The following TRAF3 variants were observed in gnomAD, a reference collection of about 807,000 sequenced individuals.
TRAF3 encodes the protein TNF receptor-associated factor 3.
Under a neutral mutation model 62.3 loss-of-function variants are expected in TRAF3, and 13 were observed. That is an observed-to-expected ratio of 0.21 (90% CI 0.14 to 0.33). TRAF3 has a LOEUF of 0.33. TRAF3 is among the 10% of genes least tolerant of loss of function. TRAF3 has a pLI of 1.00. For synonymous variants in TRAF3, 269 were observed against 283.4 expected, an observed-to-expected ratio of 0.95 and a Z score of 0.51; for missense variants, 440 against 741.8, an observed-to-expected ratio of 0.59 and a Z score of 4.73.
chr14:102,867,413 T>C (rs1359300669), intron 2 of TRAF3, among the ~76,000 whole-genome samples: 1 of 152,194 alleles, frequency 6.6e-6, no homozygotes, highest in Non-Finnish European at 1.5e-5. Context: ...TTCTCTGATC[T>C]AGGGGACGCA....
chr14:102,900,103 C>G (rs367915142), intron 10 of TRAF3, among the ~76,000 whole-genome samples: 8 of 141,532 alleles, frequency 5.7e-5, no homozygotes, highest in Admixed American at 2.2e-4. Flanking sequence ...GGTGTGAACC[C>G]GGGAGGCGGA....
In TRAF3 at chr14:102,852,932, C is replaced by T. The variant is rs185559590; in HGVS notation, c.-17-17253C>T. 8.5e-4 allele frequency among the ~76,000 whole-genome samples: 129 copies of T among 152,032 alleles called. 2 individuals are homozygous for T. In the East Asian group the frequency reaches 0.023, roughly 28 times the overall value. ...TTTTTGAGACAGAGTCTCACTCTGT[C>T]GCCCAGGCTGGAGTGCAGCGGCACA... On this transcript the variant is annotated intron_variant, in intron 2 of 11. Transcript: ENST00000392745.
chr14:102,788,692 G>A (rs1897626121), intron 1 of TRAF3, among the ~76,000 whole-genome samples: 1 of 152,210 alleles, frequency 6.6e-6, no homozygotes, highest in Admixed American at 6.5e-5. Flanking sequence ...CAGCTACTCA[G>A]GAGGCTGAGG....
chr14:102,806,528 T>A (rs115443331), intron 1 of TRAF3, among the ~76,000 whole-genome samples: 52 of 152,334 alleles, frequency 3.4e-4, no homozygotes, highest in African/African-American at 1.2e-3. Context: ...ATGTCTTTAG[T>A]CCAAGCTGCC....
intron 1 of TRAF3, among the ~76,000 whole-genome samples, chr14:102,793,736 G>A (rs1489485741): frequency 1.3e-5 from 2 of 152,202 alleles, no homozygotes; most frequent in Non-Finnish European, 2.9e-5. Flanking sequence ...CTCTATTCCT[G>A]ATGCCAGGAC....
At chr14:102,880,033 T>C (rs1417315056) in intron 6 of TRAF3, among the ~76,000 whole-genome samples, 1 of 152,210 alleles carries the variant, frequency 6.6e-6, no homozygotes, top group Non-Finnish European at 1.5e-5. Context: ...GGAAGATTAC[T>C]TGAGCCAGGG....
intron 6 of TRAF3, among the ~76,000 whole-genome samples, chr14:102,885,637 A>G (rs1889336606): frequency 6.6e-6 from 1 of 152,226 alleles, no homozygotes; most frequent in Admixed American, 6.5e-5. Flanking sequence ...TATGGACTAA[A>G]GATAATGTAG....
At chr14:102,853,582 C>T (rs1387128686) in intron 2 of TRAF3, among the ~76,000 whole-genome samples, 1 of 152,094 alleles carries the variant, frequency 6.6e-6, no homozygotes, top group Non-Finnish European at 1.5e-5. Context: ...TGCCTGTAAT[C>T]CCAGCACTTT....
intron 2 of TRAF3, among the ~76,000 whole-genome samples, chr14:102,869,180 C>T (rs1258335520): frequency 6.6e-6 from 1 of 152,242 alleles, no homozygotes; most frequent in African/African-American, 2.4e-5. Context: ...GGGCCCACTC[C>T]ACAGCTCTGT....
At chr14:102,833,229 G>A (rs978914804) in intron 2 of TRAF3, among the ~76,000 whole-genome samples, 6 of 152,228 alleles carry the variant, frequency 3.9e-5, no homozygotes, top group Admixed American at 3.9e-4. Flanking sequence ...CATGTTGGGT[G>A]AATGAATGAA....
chr14:102,867,079 T>G (rs769166204), intron 2 of TRAF3, among the ~76,000 whole-genome samples: 3 of 152,184 alleles, frequency 2.0e-5, no homozygotes, highest in Non-Finnish European at 4.4e-5. Context: ...TCATAGAAAT[T>G]CTTGTGCTGC....
chr14:102,787,595 G>A (rs1446496762), intron 1 of TRAF3, among the ~76,000 whole-genome samples: 1 of 152,114 alleles, frequency 6.6e-6, no homozygotes, highest in Non-Finnish European at 1.5e-5. Flanking sequence ...GCTGAGGCAG[G>A]AGAATCGCTT....
At chr14:102,865,638 T>G (rs1887943341) in intron 2 of TRAF3, among the ~76,000 whole-genome samples, 1 of 152,116 alleles carries the variant, frequency 6.6e-6, no homozygotes, top group South Asian at 2.1e-4. Flanking sequence ...TAGCTGGGAC[T>G]ACAGGCATGT....
rs550840033 is a variant in TRAF3 at position 102,778,426 on chromosome 14, G to A, written c.-157+751G>A. ...TGTGGAAAATTCTCTCCCTTCGGTTGGAAACAGTAACAAACTGGAAACGGA... is the reference window on the plus strand; with the variant it reads ...TGTGGAAAATTCTCTCCCTTCGGTTAGAAACAGTAACAAACTGGAAACGGA... On this transcript the variant is annotated intron_variant, in intron 1 of 11. Transcript: ENST00000392745. Among the ~76,000 whole-genome samples the A allele has an allele frequency of 1.4e-4, 22 of 152,316 alleles. No homozygotes were observed. The South Asian group carries it at 4.6e-3, about 32-fold the overall frequency.
intron 10 of TRAF3, among the ~76,000 whole-genome samples, chr14:102,902,469 G>T (rs1027677420): frequency 1.3e-5 from 2 of 152,168 alleles, no homozygotes; most frequent in Non-Finnish European, 2.9e-5. Context: ...CAGCAGCAGG[G>T]TAGGAGGCCT....
chr14:102,871,309 T>C (rs1888330268), intron 3 of TRAF3, among the ~76,000 whole-genome samples: 1 of 152,196 alleles, frequency 6.6e-6, no homozygotes, highest in South Asian at 2.1e-4. Flanking sequence ...TTTGCCCACT[T>C]GGGGGCAAAA....
rs1423980119 is a variant in TRAF3, at chr14:102,909,226, T to G, written c.*3442T>G. 6.6e-6 allele frequency: 1 copy of G among 152,232 alleles called. No homozygotes were observed. The highest frequency in any genetic ancestry group is 1.9e-4 in the East Asian group (1 of 5,188). 9.4% of individuals were successfully genotyped at this position (152,232 alleles called of 1,614,324 possible). ...ACACACAGGCGGCCAGGTTGGGATT[T>G]GTGTCAATTCTAGGAGCCATCAAGC... On this transcript the variant is annotated 3_prime_UTR_variant, in exon 12 of 12. Coordinates refer to ENST00000392745, the MANE Select transcript of TRAF3 (RefSeq NM_145725.3).
chr14:102,836,563 C>T (rs1886019560), intron 2 of TRAF3, among the ~76,000 whole-genome samples: 1 of 152,124 alleles, frequency 6.6e-6, no homozygotes, highest in Non-Finnish European at 1.5e-5. Flanking sequence ...CTAGGGTGAT[C>T]TGGAAATGTT....
chr14:102,795,693 G>A (rs182348564), intron 1 of TRAF3, among the ~76,000 whole-genome samples: 2 of 151,888 alleles, frequency 1.3e-5, no homozygotes, highest in Non-Finnish European at 2.9e-5. Flanking sequence ...GTAATGTTGG[G>A]TGTCTTGCCT....
Sources: allele counts gnomAD v4.1 joint callset (sites outside exome capture counted in the v4.1 genomes callset), GRCh38; gene constraint gnomAD v4.1.1; transcripts MANE v1.5; gene names NCBI Gene and HGNC (gene_info 2026-07-23, HGNC 2026-07-21).